COL19A1: variants seen among roughly 807,000 people sequenced by gnomAD.
COL19A1 encodes collagen type XIX alpha 1 chain, also known as collagen alpha-1(XIX) chain.
COL19A1 carries 159 observed loss-of-function variants against 190.2 expected under a neutral mutation model. That is an observed-to-expected ratio of 0.84 (90% CI 0.73 to 0.95). The LOEUF (loss-of-function observed/expected upper bound fraction) is 0.95, where lower values mean the gene tolerates loss of function less well. Ranked by LOEUF, COL19A1 falls within the 40% of genes least tolerant of loss-of-function variation. COL19A1 has a pLI of 0.00. For missense variants in COL19A1, 1,418 were observed against 1,431.9 expected (o/e 0.99, Z 0.16); for synonymous variants, 509 against 458.9 (o/e 1.11, Z -1.39).
chr6:70,030,746 G>A (rs147625274), intron 12 of COL19A1, among the ~76,000 whole-genome samples: 22 of 152,222 alleles, frequency 1.4e-4, no homozygotes, highest in African/African-American at 5.3e-4. Context: ...TTCCTAGCCA[G>A]TTACTTAAGT....
intron 16 of COL19A1, 80 bp downstream of exon 16, chr6:70,102,302 C>T: frequency 9.7e-7 from 1 of 1,030,860 alleles, no homozygotes; most frequent in East Asian, 2.4e-5. Flanking sequence ...TATTTTACTC[C>T]CCTGTAGATA....
intron 20 of COL19A1, 92 bp from the exon 21 acceptor site, chr6:70,141,801 T>A (rs1399218943): frequency 4.8e-6 from 4 of 832,362 alleles, no homozygotes; most frequent in Admixed American, 2.2e-5. Flanking sequence ...TTTTATTGTA[T>A]GTTAATTAGT....
intron 15 of COL19A1, among the ~76,000 whole-genome samples, chr6:70,088,737 C>A (rs969888867): frequency 6.6e-6 from 1 of 152,050 alleles, no homozygotes; most frequent in African/African-American, 2.4e-5. Flanking sequence ...ATGAGCTCCT[C>A]GAGGGCAAGA....
At chr6:70,156,562 G>C (rs1190920535) in intron 33 of COL19A1, 108 bp from the exon 34 acceptor site, 2 of 1,260,898 alleles carry the variant, frequency 1.6e-6, no homozygotes, top group Non-Finnish European at 2.2e-6. Context: ...TTTGTTCCCT[G>C]ACCCTGTCCA....
intron 14 of COL19A1, among the ~76,000 whole-genome samples, chr6:70,043,260 C>T (rs1185356252): frequency 2.0e-5 from 3 of 150,678 alleles, no homozygotes; most frequent in East Asian, 2.0e-4. Context: ...GGCGCGATCT[C>T]GGCTCACTGC....
chr6:70,182,039 T>C (rs538152694), intron 44 of COL19A1, among the ~76,000 whole-genome samples: 14 of 152,332 alleles, frequency 9.2e-5, no homozygotes, highest in African/African-American at 2.9e-4. Context: ...GGAGCTTTTG[T>C]AGCAAATAAT....
In COL19A1 at chr6:70,121,917, G is replaced by A. The variant is rs753845024; in HGVS notation, c.1316G>A (p.Gly439Asp). 8 of 1,587,816 alleles carry A rather than the reference G, an allele frequency of 5.0e-6. No homozygotes were observed. The highest frequency in any genetic ancestry group is 1.8e-4 in the Middle Eastern group (1 of 5,516). Reference sequence around the variant, plus strand: ...ATACAAGGAATACACCAAACTCTTGGTGGATATTATAACAAGGATAACAAG... The same window carrying A: ...ATACAAGGAATACACCAAACTCTTGATGGATATTATAACAAGGATAACAAG... The part of the protein sequence containing the change: ...PGIQGIHQTL[G>D]GYYNKDNKGN... Residue 439 changes from glycine (G) to aspartate (D), a missense_variant, in exon 17 of 51, where the codon GGT becomes GAT. By Grantham distance (94) the Gly-to-Asp change is moderately conservative. Coordinates refer to ENST00000620364, the MANE Select transcript of COL19A1 (RefSeq NM_001858.6).
At chr6:69,952,176 T>C (rs2150035992) in intron 9 of COL19A1, among the ~76,000 whole-genome samples, 1 of 152,010 alleles carries the variant, frequency 6.6e-6, no homozygotes, top group South Asian at 2.1e-4. Context: ...GCATATGGTT[T>C]TTCACCAAAT....
chr6:69,921,498 T>TCATATATC (rs1771907383), intron 4 of COL19A1, among the ~76,000 whole-genome samples: 1 of 97,188 alleles, frequency 1.0e-5, no homozygotes, highest in African/African-American at 4.0e-5. Flanking sequence ...TCATATATAT[T>TCATATATC]CATATATATT....
At chr6:69,936,492 G>A (rs1366871864) in intron 7 of COL19A1, among the ~76,000 whole-genome samples, 1 of 152,012 alleles carries the variant, frequency 6.6e-6, no homozygotes, top group East Asian at 1.9e-4. Flanking sequence ...TATTATAAAT[G>A]TATGAAATTT....
At chr6:70,009,393 T>C (rs1335747325) in intron 11 of COL19A1, among the ~76,000 whole-genome samples, 4 of 152,016 alleles carry the variant, frequency 2.6e-5, no homozygotes, top group Non-Finnish European at 2.9e-5. Context: ...TTGAAAACAA[T>C]TTTATTTATG....
At chr6:70,083,427 T>C (rs1782396076) in intron 15 of COL19A1, among the ~76,000 whole-genome samples, 1 of 152,208 alleles carries the variant, frequency 6.6e-6, no homozygotes, top group Non-Finnish European at 1.5e-5. Context: ...AATTTATACT[T>C]CATATGTGTT....
rs372180722 is a variant in COL19A1 at position 70,135,493 on chromosome 6, A to G, written c.1384-2192A>G. Among the ~76,000 whole-genome samples the G allele has an allele frequency of 3.3e-4, 51 of 152,270 alleles. 1 individual carries two copies. The highest frequency in any genetic ancestry group is 1.1e-3 in the African/African-American group (45 of 41,556). ...GACGCTTATTGCTTTGGGGATTCCA[A>G]GGATTCTACGAGTTGTATGCCAGGA... On this transcript the variant is annotated intron_variant, in intron 18 of 50. Coordinates refer to ENST00000620364, the MANE Select transcript of COL19A1 (RefSeq NM_001858.6).
At chr6:70,195,276 C>T (rs779019156) in intron 48 of COL19A1, among the ~76,000 whole-genome samples, 7 of 151,528 alleles carry the variant, frequency 4.6e-5, no homozygotes, top group Non-Finnish European at 1.0e-4. Context: ...CCTCAGTGTC[C>T]AGTAATCCTT....
intron 14 of COL19A1, among the ~76,000 whole-genome samples, chr6:70,042,384 T>C (rs1779676728): frequency 6.6e-6 from 1 of 152,258 alleles, no homozygotes; most frequent in African/African-American, 2.4e-5. Context: ...GTTTATATTA[T>C]ACCATGTCCT....
intron 34 of COL19A1, among the ~76,000 whole-genome samples, chr6:70,157,225 A>G: frequency 6.6e-6 from 1 of 152,122 alleles, no homozygotes; most frequent in Admixed American, 6.6e-5. Flanking sequence ...AGAAAAAAAA[A>G]CTGTCAGAAA....
intron 16 of COL19A1, among the ~76,000 whole-genome samples, chr6:70,103,915 C>T (rs536533896): frequency 1.3e-5 from 2 of 152,062 alleles, no homozygotes; most frequent in South Asian, 4.1e-4. Flanking sequence ...GACTGAGTAA[C>T]AAATGAATAT....
Position 69,936,834 on chromosome 6 carries a change from C to T in COL19A1, c.797C>T (p.Ala266Val). The T allele has an allele frequency of 6.2e-7, 1 of 1,613,152 alleles. No homozygotes were observed. Among genetic ancestry groups the T allele is most frequent in the Non-Finnish European group, 8.5e-7 (1 of 1,179,310 alleles). Residue 266 changes from alanine to valine, a missense_variant, in exon 8 of 51, where the codon GCT becomes GTT. Coordinates refer to ENST00000620364, the MANE Select transcript of COL19A1 (RefSeq NM_001858.6). ...FGNIASSWVTAHASKMSSYLP... is the reference protein window; with the variant it reads ...FGNIASSWVTVHASKMSSYLP... ...AATATTGCATCATCATGGGTAACTGCTCATGCCAGTAAAATGTCTTCATAT... is the reference window on the plus strand; with the variant it reads ...AATATTGCATCATCATGGGTAACTGTTCATGCCAGTAAAATGTCTTCATAT...
intron 5 of COL19A1, among the ~76,000 whole-genome samples, chr6:69,928,530 A>C (rs988531535): frequency 4.6e-5 from 7 of 152,190 alleles, no homozygotes; most frequent in East Asian, 1.9e-4. Context: ...GAAAAACAGA[A>C]TTTGTATTAT....
Sources: gnomAD v4.1 joint callset for allele counts (sites outside exome capture counted in the v4.1 genomes callset) on GRCh38, gnomAD v4.1.1 for gene constraint, MANE v1.5 for transcripts, NCBI Gene and HGNC (gene_info 2026-07-23, HGNC 2026-07-21) for gene names.